Variants in BIRC6 observed in about 807,000 individuals in gnomAD.
The protein encoded by BIRC6 is baculoviral IAP repeat containing 6.
Under a neutral mutation model 503.3 loss-of-function variants are expected in BIRC6, and 98 were observed. The ratio of observed to expected loss-of-function variants is 0.19; its 90% CI spans 0.17 to 0.23. BIRC6 has a LOEUF of 0.23. Among genes scored for constraint, BIRC6 ranks in the 10% least tolerant of loss-of-function variants. The probability of loss-of-function intolerance (pLI) is 1.00; values close to 1 mark genes in which losing one functional copy is unlikely to be tolerated. For missense variants in BIRC6, 5,360 were observed against 5,806.0 expected (o/e 0.92, Z 2.50); for synonymous variants, 2,240 against 2,078.7 (o/e 1.08, Z -2.11).
At chr2:32,514,712 C>T (rs1322163261) in intron 54 of BIRC6, among the ~76,000 whole-genome samples, 1 of 152,174 alleles carries the variant, frequency 6.6e-6, no homozygotes, top group East Asian at 1.9e-4. Context: ...TCAGGTCACA[C>T]AGAATGATAG....
intron 65 of BIRC6, among the ~76,000 whole-genome samples, chr2:32,573,255 G>A (rs996935579): frequency 2.6e-5 from 4 of 152,128 alleles, no homozygotes; most frequent in African/African-American, 9.7e-5. Context: ...CCGGAGTGCA[G>A]TATGTGGTCT....
chr2:32,389,777 A>G (rs1292543594), intron 4 of BIRC6, among the ~76,000 whole-genome samples: 4 of 152,076 alleles, frequency 2.6e-5, no homozygotes, highest in East Asian at 3.8e-4. Context: ...GCTCACTGCA[A>G]CCTCTGCCTC....
chr2:32,560,190 T>G (rs1314840851), intron 65 of BIRC6, among the ~76,000 whole-genome samples: 1 of 152,348 alleles, frequency 6.6e-6, no homozygotes, highest in South Asian at 2.1e-4. Flanking sequence ...TTGATATTTT[T>G]AGTTTAAAAT....
At chr2:32,596,425 A>G (rs1027799021) in intron 68 of BIRC6, among the ~76,000 whole-genome samples, 5 of 147,226 alleles carry the variant, frequency 3.4e-5, no homozygotes, top group Non-Finnish European at 7.4e-5. Flanking sequence ...GGTTGCAGTG[A>G]GCTGAGACAC....
At chr2:32,463,933 A>C (rs1426331307) in intron 24 of BIRC6, among the ~76,000 whole-genome samples, 1 of 152,154 alleles carries the variant, frequency 6.6e-6, no homozygotes, top group Non-Finnish European at 1.5e-5. Context: ...TTTGATTCTC[A>C]TAGGAGCATG....
intron 6 of BIRC6, among the ~76,000 whole-genome samples, chr2:32,399,738 T>C (rs941069247): frequency 6.6e-6 from 1 of 152,114 alleles, no homozygotes; most frequent in Non-Finnish European, 1.5e-5. Flanking sequence ...ATTATACCAG[T>C]CTTGATATGA....
At position 32,391,255 on chromosome 2, in the gene BIRC6, T is replaced by C. The variant is rs370876534; in HGVS notation, c.840-784T>C. Among the ~76,000 whole-genome samples, 16 of 152,352 alleles carry C rather than the reference T, an allele frequency of 1.1e-4. No homozygotes were observed. The East Asian group carries it at 1.9e-3, about 18-fold the overall frequency. ...TGTTAAAAATGTCCTAAAATATTAA[T>C]TTTGATACAGACTGTGGTGTTTTTT... is the stretch of plus-strand genomic sequence containing the variant. On this transcript the variant is annotated intron_variant, in intron 4 of 73. Coordinates refer to ENST00000421745, the MANE Select transcript of BIRC6 (RefSeq NM_016252.4).
At chr2:32,360,486 G>A (rs1350027396) in intron 1 of BIRC6, among the ~76,000 whole-genome samples, 1 of 152,160 alleles carries the variant, frequency 6.6e-6, no homozygotes, top group Non-Finnish European at 1.5e-5. Context: ...AGTCTCTCTA[G>A]TCTTGTCTCC....
At position 32,461,041 on chromosome 2, in the gene BIRC6, T is replaced by TC. The variant is rs1361168698; in HGVS notation, c.4754-2152dup. Among the ~76,000 whole-genome samples the TC allele has an allele frequency of 3.5e-4, 26 of 73,998 alleles. 2 individuals carry two copies. The highest frequency in any genetic ancestry group is 5.7e-4 in the Non-Finnish European group (18 of 31,774). 48.5% of individuals were successfully genotyped at this position (73,998 alleles called of 152,430 possible). ...TCTTCTCTTCTCTTCTCTTCTCTTC[T>TC]CTTCTCTTCTCTTCTCTTCTCTTCT... On this transcript the variant is annotated intron_variant, in intron 23 of 73. Transcript: ENST00000421745.
intron 2 of BIRC6, among the ~76,000 whole-genome samples, chr2:32,378,242 C>G (rs180883849): frequency 6.6e-6 from 1 of 152,152 alleles, no homozygotes; most frequent in Non-Finnish European, 1.5e-5. Flanking sequence ...TGTCCCTTAA[C>G]CCCCAGCCCC....
At chr2:32,521,455 T>C (rs375472213) in intron 57 of BIRC6, among the ~76,000 whole-genome samples, 12 of 148,452 alleles carry the variant, frequency 8.1e-5, no homozygotes, top group East Asian at 6.1e-4. Context: ...ATTTTTTCTC[T>C]CTCTCTGTTT....
At chr2:32,504,114 G>A (rs538660755) in intron 49 of BIRC6, among the ~76,000 whole-genome samples, 1 of 149,926 alleles carries the variant, frequency 6.7e-6, no homozygotes, top group East Asian at 2.0e-4. Flanking sequence ...TGTCCAGGCT[G>A]GTCTTGAACT....
intron 4 of BIRC6, among the ~76,000 whole-genome samples, chr2:32,389,658 C>A (rs547477647): frequency 1.3e-5 from 2 of 152,128 alleles, no homozygotes; most frequent in African/African-American, 4.8e-5. Context: ...TAATACGCAG[C>A]AATTTTGATT....
intron 71 of BIRC6, 89 bp downstream of exon 71, chr2:32,603,172 G>A: frequency 2.2e-6 from 2 of 920,366 alleles, no homozygotes; most frequent in South Asian, 1.8e-5. Context: ...AATAAATATA[G>A]TAAACCTAAA....
intron 70 of BIRC6, among the ~76,000 whole-genome samples, chr2:32,601,185 A>G (rs1399324129): frequency 6.6e-6 from 1 of 152,238 alleles, no homozygotes; most frequent in Non-Finnish European, 1.5e-5. Context: ...ACAACTCATT[A>G]AATTATTAAT....
In BIRC6 at chr2:32,575,295, A is replaced by G. The variant is rs116818533; in HGVS notation, c.13284A>G (p.Glu4428=). 7.4e-6 allele frequency: 12 copies of G among 1,613,872 alleles called. No homozygotes were observed. In the East Asian group the frequency reaches 2.0e-4, roughly 27 times the overall value. ...GTGAAGAGGAAGAAGAACAGTCAGAATGTCAAACTTCTGTTGGTACATTGT... is the reference window on the plus strand; with the variant it reads ...GTGAAGAGGAAGAAGAACAGTCAGAGTGTCAAACTTCTGTTGGTACATTGT... ...ENGEEEEEQS[E]CQTSVGTLLA... The change falls in exon 66 of 74, where the codon GAA becomes GAG. Residue 4428 remains glutamate, a synonymous_variant. Coordinates refer to ENST00000421745, the MANE Select transcript of BIRC6 (RefSeq NM_016252.4).
At chr2:32,364,371 C>G (rs886819376) in intron 1 of BIRC6, among the ~76,000 whole-genome samples, 5 of 152,180 alleles carry the variant, frequency 3.3e-5, no homozygotes, top group African/African-American at 1.2e-4. Flanking sequence ...TCCTGAGTAG[C>G]TGGGATTACA....
chr2:32,560,996 G>A (rs1297155348), intron 65 of BIRC6, among the ~76,000 whole-genome samples: 4 of 151,692 alleles, frequency 2.6e-5, no homozygotes, highest in East Asian at 3.9e-4. Flanking sequence ...TCAGGAGGTC[G>A]AGACCAGCCT....
intron 61 of BIRC6, among the ~76,000 whole-genome samples, chr2:32,538,621 A>G (rs2057421264): frequency 6.6e-6 from 1 of 152,260 alleles, no homozygotes; most frequent in Admixed American, 6.5e-5. Context: ...GAGTTGATAG[A>G]AGATCTCATC....
Sources: gnomAD v4.1 joint callset for allele counts (sites outside exome capture counted in the v4.1 genomes callset) on GRCh38, gnomAD v4.1.1 for gene constraint, MANE v1.5 for transcripts, NCBI Gene and HGNC (gene_info 2026-07-23, HGNC 2026-07-21) for gene names.